CALM2: variants seen among roughly 807,000 people sequenced by gnomAD.
The protein encoded by CALM2 is calmodulin 2.
In CALM2, 2 loss-of-function variants were observed where a neutral mutation model predicts 19.8. That is an observed-to-expected ratio of 0.10 (90% CI 0.04 to 0.32). The LOEUF (loss-of-function observed/expected upper bound fraction) is 0.32, where lower values mean the gene tolerates loss of function less well. Among genes scored for constraint, CALM2 ranks in the 10% least tolerant of loss-of-function variants. The pLI is 1.00. For missense variants in CALM2, 38 were observed against 178.7 expected, an observed-to-expected ratio of 0.21 and a Z score of 4.49; for synonymous variants, 51 against 52.1, an observed-to-expected ratio of 0.98 and a Z score of 0.09.
chr2:47,169,628 A>C (rs1359717512), intron 2 of CALM2, among the ~76,000 whole-genome samples: 1 of 150,084 alleles, frequency 6.7e-6, no homozygotes, highest in Non-Finnish European at 1.5e-5. Flanking sequence ...ACAATAAATA[A>C]AAATAAAACC....
intron 2 of CALM2, among the ~76,000 whole-genome samples, chr2:47,164,250 A>AG (rs1201673747): frequency 1.3e-5 from 1 of 77,758 alleles, no homozygotes; most frequent in African/African-American, 3.0e-5. Context: ...AAAAAAAAAA[A>AG]AAGAAGAAAA....
intron 2 of CALM2, chr2:47,163,315 T>G (rs1250786242): frequency 6.6e-6 from 1 of 152,224 alleles, no homozygotes; most frequent in African/African-American, 2.4e-5. Context: ...TTTAGCTAAA[T>G]GCATGTCACT....
At chr2:47,167,798 A>T (rs76073485) in intron 2 of CALM2, 3 of 22,444 alleles carry the variant, frequency 1.3e-4, no homozygotes, top group East Asian at 2.6e-3. Flanking sequence ...AAAAAAAAAA[A>T]ATTTTTTTTT....
intron 1 of CALM2, chr2:47,173,703 A>T (rs2103851687): frequency 6.6e-6 from 1 of 152,288 alleles, no homozygotes; most frequent in South Asian, 2.1e-4. Flanking sequence ...TGGAACGCAA[A>T]CTGCTATCCT....
At chr2:47,162,427 T>A in intron 3 of CALM2, 35 bp from the exon 4 acceptor site, 1 of 1,606,156 alleles carries the variant, frequency 6.2e-7, no homozygotes, top group East Asian at 2.2e-5. Context: ...AAAGCTTTAG[T>A]GGAAACATAT....
intron 2 of CALM2, chr2:47,163,433 C>G (rs998174657): frequency 6.8e-6 from 1 of 146,558 alleles, no homozygotes; most frequent in Non-Finnish European, 1.5e-5. Flanking sequence ...TTCCTTCCTG[C>G]TGTTGTTTTT....
At position 47,173,717 on chromosome 2, in the gene CALM2, T is replaced by C. The variant is rs1469788750; in HGVS notation, c.3+2724A>G. The C allele has an allele frequency of 2.0e-5, 3 of 152,242 alleles. No individual in the cohort carries two copies. In the South Asian group the frequency reaches 6.2e-4, roughly 31 times the overall value. The allele number at this position is 152,242 out of a possible 1,614,324, so 9.4% of individuals were successfully genotyped here. On this transcript the variant is annotated intron_variant, in intron 1 of 5. Transcript: ENST00000272298. The stretch of plus-strand genomic sequence containing the variant: ...ATGGAACGCAAACTGCTATCCTTCA[T>C]CCATTCCTGTCTGTTCATTCCCATC...
chr2:47,175,643 T>C (rs1329208517), intron 1 of CALM2, among the ~76,000 whole-genome samples: 2 of 151,570 alleles, frequency 1.3e-5, no homozygotes, highest in Non-Finnish European at 1.5e-5. Flanking sequence ...AGAAGGAAGA[T>C]TAGGGTTGCC....
At chr2:47,166,663 C>A (rs1012670554) in intron 2 of CALM2, among the ~76,000 whole-genome samples, 2 of 152,026 alleles carry the variant, frequency 1.3e-5, no homozygotes, top group African/African-American at 4.8e-5. Context: ...AAATAATAAA[C>A]CCCAAAGTAA....
At chr2:47,174,643 G>C (rs529917617) in intron 1 of CALM2, among the ~76,000 whole-genome samples, 1 of 151,348 alleles carries the variant, frequency 6.6e-6, no homozygotes, top group South Asian at 2.1e-4. Context: ...CTTAACACTG[G>C]GCAAGGGACC....
chr2:47,171,689 G>C (rs1378293115), intron 1 of CALM2: 2 of 152,130 alleles, frequency 1.3e-5, no homozygotes, highest in East Asian at 3.9e-4. Context: ...TGAAGCAACT[G>C]CTTATGGGGT....
intron 2 of CALM2, among the ~76,000 whole-genome samples, chr2:47,166,433 T>TAAG (rs1234678810): frequency 1.2e-4 from 19 of 152,216 alleles, no homozygotes; most frequent in Admixed American, 1.2e-3. Flanking sequence ...ATGCATAGTG[T>TAAG]AAGACTATGT....
upstream of CALM2, chr2:47,176,790 G>T (rs774665213): frequency 2.2e-5 from 22 of 985,440 alleles, no homozygotes; most frequent in East Asian, 2.3e-4. Flanking sequence ...GAGGAGCATC[G>T]TGGCGGCGAT....
chr2:47,162,406 G>A lies in CALM2; in HGVS notation c.179-14C>T. On this transcript the variant is annotated splice_polypyrimidine_tract_variant and intron_variant, in intron 3 of 5. Coordinates refer to ENST00000272298, the MANE Select transcript of CALM2 (RefSeq NM_001743.6). Reference sequence around the variant, plus strand: ...TTGTGCCATTACCTGAAATGGTTTAGTGGAAACATCAAAGCTTTAGTGGAA... The same window carrying A: ...TTGTGCCATTACCTGAAATGGTTTAATGGAAACATCAAAGCTTTAGTGGAA... 2 of 1,605,614 alleles carry A rather than the reference G, an allele frequency of 1.2e-6. No homozygotes were observed. Among genetic ancestry groups the A allele is most frequent in the Non-Finnish European group, 1.7e-6 (2 of 1,173,786 alleles).
At chr2:47,167,804 T>G (rs1203594310) in intron 2 of CALM2, 2 of 67,542 alleles carry the variant, frequency 3.0e-5, no homozygotes, top group African/African-American at 4.9e-5. Flanking sequence ...AAAAAATTTT[T>G]TTTTCTTTTC....
chr2:47,174,115 A>C (rs1219949393), intron 1 of CALM2: 1 of 152,152 alleles, frequency 6.6e-6, no homozygotes, highest in African/African-American at 2.4e-5. Flanking sequence ...TTACTTACCT[A>C]ATCACCCTGC....
At chr2:47,176,553 T>G (rs1558703868), upstream of CALM2, 3 of 1,557,762 alleles carry the variant, frequency 1.9e-6, no homozygotes, top group South Asian at 1.2e-5. Flanking sequence ...AACACCTCCC[T>G]CCGCCAGATC....
At chr2:47,169,419 C>T (rs815817) in intron 2 of CALM2, among the ~76,000 whole-genome samples, 96,004 of 151,938 alleles carry the variant, frequency 0.63, 33,272 homozygotes, top group East Asian at 0.85. Flanking sequence ...CTCAGCCTCC[C>T]AAAGTGATAA....
chr2:47,171,740 CCCTA>C (rs1666675065), intron 1 of CALM2: 1 of 152,086 alleles, frequency 6.6e-6, no homozygotes. Flanking sequence ...TATCTAAAAT[CCCTA>C]CCAACATGGG....
Sources: gnomAD v4.1 joint callset for allele counts (sites outside exome capture counted in the v4.1 genomes callset) on GRCh38, gnomAD v4.1.1 for gene constraint, MANE v1.5 for transcripts, NCBI Gene and HGNC (gene_info 2026-07-23, HGNC 2026-07-21) for gene names.